ASIC2: variants seen among roughly 807,000 people sequenced by gnomAD.
The protein encoded by ASIC2 is acid-sensing ion channel 2.
In ASIC2, 25 loss-of-function variants were observed where a neutral mutation model predicts 57.3. That is an observed-to-expected ratio of 0.44 (90% CI 0.32 to 0.61). The LOEUF is 0.61. ASIC2 is among the 20% of genes least tolerant of loss of function. ASIC2 has a pLI of 0.06. For synonymous variants in ASIC2, 319 were observed against 307.5 expected (o/e 1.04, Z -0.39); for missense variants, 641 against 738.1 (o/e 0.87, Z 1.52).
chr17:33,621,324 G>A (rs1311544246), intron 1 of ASIC2, among the ~76,000 whole-genome samples: 2 of 152,188 alleles, frequency 1.3e-5, no homozygotes, highest in African/African-American at 4.8e-5. Context: ...TTGGCATGTA[G>A]TAGCCAGTCA....
At chr17:34,095,654 T>TAATTTTATATATATATATATATATAA (rs1910508187) in intron 1 of ASIC2, among the ~76,000 whole-genome samples, 1 of 93,004 alleles carries the variant, frequency 1.1e-5, no homozygotes, top group Admixed American at 9.6e-5. Flanking sequence ...TATATATATA[T>TAATTTTATATATATATATATATATAA]AATTTTATAT....
At chr17:33,958,247 A>G (rs1904804773) in intron 1 of ASIC2, among the ~76,000 whole-genome samples, 1 of 152,170 alleles carries the variant, frequency 6.6e-6, no homozygotes, top group Admixed American at 6.5e-5. Context: ...TGGATCGACC[A>G]TTCTGGAGGG....
intron 3 of ASIC2, among the ~76,000 whole-genome samples, chr17:33,028,971 C>G (rs1295471213): frequency 2.0e-5 from 3 of 152,142 alleles, no homozygotes; most frequent in African/African-American, 7.2e-5. Context: ...GCACCTTTTC[C>G]CTTTGGAGAA....
intron 1 of ASIC2, among the ~76,000 whole-genome samples, chr17:33,771,397 C>T (rs1156371911): frequency 1.3e-5 from 2 of 152,204 alleles, no homozygotes; most frequent in Admixed American, 6.5e-5. Flanking sequence ...TGTGCAAACT[C>T]TGCTGTCAGC....
intron 1 of ASIC2, among the ~76,000 whole-genome samples, chr17:33,908,975 C>T (rs897187981): frequency 6.6e-6 from 1 of 152,196 alleles, no homozygotes; most frequent in Non-Finnish European, 1.5e-5. Context: ...TTTTCTTAGT[C>T]ATTTCCTTGG....
At chr17:34,077,655 G>A (rs1300872462) in intron 1 of ASIC2, among the ~76,000 whole-genome samples, 1 of 152,096 alleles carries the variant, frequency 6.6e-6, no homozygotes, top group Non-Finnish European at 1.5e-5. Context: ...ACTCTTCAGT[G>A]AGGTGTTTGC....
chr17:33,642,207 A>ACC lies in ASIC2; in HGVS notation c.555+513769_555+513770dup, dbSNP rs200980132. On this transcript the variant is annotated intron_variant, in intron 1 of 9. Coordinates refer to the ASIC2 transcript ENST00000359872. The stretch of plus-strand genomic sequence containing the variant: ...CGCACTCTAGGGGGAGCAAAAGGAC[A>ACC]CCCCCCCCCCCCCCACACACAATGG... Among the ~76,000 whole-genome samples the ACC allele has an allele frequency of 7.8e-4, 107 of 136,796 alleles. 3 individuals carry two copies. The highest frequency in any genetic ancestry group is 1.9e-3 in the South Asian group (8 of 4,202). The allele number at this position is 136,796 out of a possible 152,430, so 89.7% of individuals were successfully genotyped here.
intron 7 of ASIC2, among the ~76,000 whole-genome samples, chr17:33,018,069 G>A (rs2141893092): frequency 6.6e-6 from 1 of 152,322 alleles, no homozygotes; most frequent in Middle Eastern, 3.4e-3. Context: ...GCCCTGGGTG[G>A]GAGTCTCGGG....
At chr17:33,381,541 A>G (rs1412646858) in intron 1 of ASIC2, among the ~76,000 whole-genome samples, 1 of 152,152 alleles carries the variant, frequency 6.6e-6, no homozygotes, top group African/African-American at 2.4e-5. Flanking sequence ...GATAGTTCCA[A>G]CTCAACTCTG....
At chr17:33,973,470 T>C (rs1905279939) in intron 1 of ASIC2, among the ~76,000 whole-genome samples, 1 of 152,220 alleles carries the variant, frequency 6.6e-6, no homozygotes, top group Non-Finnish European at 1.5e-5. Flanking sequence ...AGGCCCAGAC[T>C]TGGGCAATTG....
At chr17:33,259,961 C>T (rs112725025) in intron 1 of ASIC2, among the ~76,000 whole-genome samples, 2,894 of 152,170 alleles carry the variant, frequency 0.019, 72 homozygotes, top group African/African-American at 0.06. Flanking sequence ...GACTTTGGGA[C>T]GCTCTATATT....
At chr17:33,364,671 T>C (rs1597700486) in intron 1 of ASIC2, among the ~76,000 whole-genome samples, 1 of 152,162 alleles carries the variant, frequency 6.6e-6, no homozygotes, top group Admixed American at 6.5e-5. Context: ...TCCTGAGGCC[T>C]CCCCAGCCAT....
chr17:33,338,621 C>CA (rs1245303268), intron 1 of ASIC2, among the ~76,000 whole-genome samples: 1 of 151,872 alleles, frequency 6.6e-6, no homozygotes, highest in African/African-American at 2.4e-5. Context: ...GATAGCAGGA[C>CA]AAAAAAATTG....
chr17:33,281,376 TG>T (rs2142169181), intron 1 of ASIC2, among the ~76,000 whole-genome samples: 1 of 152,332 alleles, frequency 6.6e-6, no homozygotes, highest in Non-Finnish European at 1.5e-5. Context: ...ATGATAAGGA[TG>T]ATGAAGATAA....
intron 2 of ASIC2, among the ~76,000 whole-genome samples, chr17:33,090,193 T>C (rs1167522383): frequency 2.0e-5 from 3 of 152,226 alleles, no homozygotes; most frequent in African/African-American, 7.2e-5. Flanking sequence ...CTTGTCCACC[T>C]GACCATCTTC....
chr17:34,066,888 GC>G (rs1909192044), intron 1 of ASIC2, among the ~76,000 whole-genome samples: 1 of 152,192 alleles, frequency 6.6e-6, no homozygotes, highest in South Asian at 2.1e-4. Context: ...AATGTCTTCA[GC>G]TCCTCGGACA....
At chr17:33,305,400 G>C (rs1465945922) in intron 1 of ASIC2, among the ~76,000 whole-genome samples, 4 of 152,182 alleles carry the variant, frequency 2.6e-5, no homozygotes, top group Non-Finnish European at 2.9e-5. Flanking sequence ...GCACGATCAT[G>C]ATAACATGCT....
chr17:33,227,008 C>CT (rs34211973), intron 1 of ASIC2, among the ~76,000 whole-genome samples: 116,306 of 152,038 alleles, frequency 0.76, 45,330 homozygotes, highest in African/African-American at 0.89. Flanking sequence ...AGGTCAATAA[C>CT]TTTTTTTTCA....
At chr17:33,692,913 G>GTGTA (rs1908418636) in intron 1 of ASIC2, among the ~76,000 whole-genome samples, 1 of 152,118 alleles carries the variant, frequency 6.6e-6, no homozygotes, top group African/African-American at 2.4e-5. Context: ...ATGCCTAATT[G>GTGTA]TGTATGTATG....
Sources: allele counts gnomAD v4.1 joint callset (sites outside exome capture counted in the v4.1 genomes callset), GRCh38; gene constraint gnomAD v4.1.1; transcripts MANE v1.5; gene names NCBI Gene and HGNC (gene_info 2026-07-23, HGNC 2026-07-21).